Variants in ADGRB3 observed in about 807,000 individuals in gnomAD.
The protein encoded by ADGRB3 is adhesion G protein-coupled receptor B3.
Under a neutral mutation model 193.4 loss-of-function variants are expected in ADGRB3, and 37 were observed. The ratio of observed to expected loss-of-function variants is 0.19; its 90% CI spans 0.15 to 0.25. The LOEUF is 0.25. Among genes scored for constraint, ADGRB3 ranks in the 10% least tolerant of loss-of-function variants. The probability of loss-of-function intolerance (pLI) is 1.00; values close to 1 mark genes in which losing one functional copy is unlikely to be tolerated. For missense variants in ADGRB3, 1,637 were observed against 1,852.9 expected (o/e 0.88, Z 2.14); for synonymous variants, 690 against 644.2 (o/e 1.07, Z -1.08).
intron 3 of ADGRB3, among the ~76,000 whole-genome samples, chr6:68,772,885 A>AAC (rs1766652429): frequency 2.3e-5 from 1 of 42,892 alleles, no homozygotes; most frequent in African/African-American, 1.1e-4. Context: ...AAACAAACAA[A>AAC]AAAAAAAAAA....
intron 17 of ADGRB3, among the ~76,000 whole-genome samples, chr6:69,151,722 A>G (rs1774684679): frequency 6.6e-6 from 1 of 152,104 alleles, no homozygotes; most frequent in Admixed American, 6.5e-5. Flanking sequence ...GATACCATAA[A>G]TGGTTTTGCT....
At chr6:68,783,456 C>A (rs1403759048) in intron 3 of ADGRB3, among the ~76,000 whole-genome samples, 2 of 151,464 alleles carry the variant, frequency 1.3e-5, no homozygotes, top group South Asian at 2.1e-4. Flanking sequence ...ATAGAAGAGA[C>A]AACACTACCC....
At chr6:68,784,103 A>G (rs1361924279) in intron 3 of ADGRB3, among the ~76,000 whole-genome samples, 1 of 152,146 alleles carries the variant, frequency 6.6e-6, no homozygotes, top group Admixed American at 6.6e-5. Flanking sequence ...CTATAATTAT[A>G]TACTTTATTA....
At chr6:68,658,812 G>A (rs899240976) in intron 3 of ADGRB3, among the ~76,000 whole-genome samples, 17 of 150,946 alleles carry the variant, frequency 1.1e-4, no homozygotes, top group East Asian at 1.9e-4. Flanking sequence ...TTAACACAAC[G>A]AGCTGCTTAA....
intron 3 of ADGRB3, among the ~76,000 whole-genome samples, chr6:68,774,541 T>C (rs1471421593): frequency 6.6e-6 from 1 of 152,068 alleles, no homozygotes; most frequent in South Asian, 2.1e-4. Context: ...ATTACACATA[T>C]TTTCAGGTAC....
chr6:69,322,136 G>A (rs774112193), intron 20 of ADGRB3, among the ~76,000 whole-genome samples: 3 of 151,912 alleles, frequency 2.0e-5, no homozygotes, highest in Non-Finnish European at 2.9e-5. Context: ...AGTTTGCTAA[G>A]AATAATGGCC....
intron 3 of ADGRB3, among the ~76,000 whole-genome samples, chr6:68,834,016 T>C (rs559335510): frequency 1.5e-5 from 2 of 132,376 alleles, no homozygotes; most frequent in South Asian, 5.0e-4. Flanking sequence ...TGCTTACATA[T>C]GTGAGTAATT....
At chr6:68,815,966 C>A (rs955764459) in intron 3 of ADGRB3, among the ~76,000 whole-genome samples, 30 of 151,978 alleles carry the variant, frequency 2.0e-4, no homozygotes, top group African/African-American at 7.0e-4. Context: ...TTACAACATA[C>A]TTTCTTCTGT....
intron 17 of ADGRB3, among the ~76,000 whole-genome samples, chr6:69,229,794 A>T (rs1423466526): frequency 1.3e-5 from 2 of 152,350 alleles, no homozygotes; most frequent in Admixed American, 6.5e-5. Flanking sequence ...AAACTTCATG[A>T]AACCAAAAAC....
At chr6:69,152,150 G>A (rs796755164) in intron 17 of ADGRB3, among the ~76,000 whole-genome samples, 9 of 152,226 alleles carry the variant, frequency 5.9e-5, no homozygotes, top group African/African-American at 2.2e-4. Context: ...TAATATACAA[G>A]TACATTTTAT....
chr6:69,255,193 C>T (rs901465893), intron 20 of ADGRB3, among the ~76,000 whole-genome samples: 9 of 152,102 alleles, frequency 5.9e-5, no homozygotes, highest in African/African-American at 1.9e-4. Context: ...TTTATAGCAG[C>T]ATGAGTTAGA....
intron 3 of ADGRB3, among the ~76,000 whole-genome samples, chr6:68,783,548 T>C (rs1766902103): frequency 6.6e-6 from 1 of 151,542 alleles, no homozygotes; most frequent in Non-Finnish European, 1.5e-5. Context: ...GTATCAACAC[T>C]GTATGTTATT....
intron 15 of ADGRB3, among the ~76,000 whole-genome samples, chr6:69,057,797 A>G (rs1771589018): frequency 6.6e-6 from 1 of 151,998 alleles, no homozygotes; most frequent in Non-Finnish European, 1.5e-5. Context: ...TGGTCATGAT[A>G]TATAAACTTT....
intron 3 of ADGRB3, among the ~76,000 whole-genome samples, chr6:68,847,160 G>A (rs1768295627): frequency 6.6e-6 from 1 of 152,106 alleles, no homozygotes; most frequent in Non-Finnish European, 1.5e-5. Context: ...TGGAATGGCT[G>A]TATTTACCCA....
intron 17 of ADGRB3, among the ~76,000 whole-genome samples, chr6:69,114,242 T>G (rs957259512): frequency 1.3e-5 from 2 of 152,204 alleles, no homozygotes; most frequent in South Asian, 4.1e-4. Flanking sequence ...AGTGATAGGA[T>G]GGTGCAAGAC....
At chr6:69,100,844 G>GGAAGGGAAGGAAGAAAGGAA (rs1773015810) in intron 17 of ADGRB3, among the ~76,000 whole-genome samples, 1 of 16,852 alleles carries the variant, frequency 5.9e-5, no homozygotes, top group Non-Finnish European at 1.4e-4. Flanking sequence ...GAAGGAAGGA[G>GGAAGGGAAGGAAGAAAGGAA]GGAGGGAGGG....
intron 17 of ADGRB3, among the ~76,000 whole-genome samples, chr6:69,094,817 G>A (rs984931964): frequency 6.6e-6 from 1 of 152,082 alleles, no homozygotes; most frequent in Admixed American, 6.5e-5. Context: ...TACTACCAAT[G>A]TAGTATCTTT....
At chr6:68,734,585 C>T (rs1333214563) in intron 3 of ADGRB3, among the ~76,000 whole-genome samples, 1 of 151,898 alleles carries the variant, frequency 6.6e-6, no homozygotes, top group Non-Finnish European at 1.5e-5. Flanking sequence ...AGAAGAAAAA[C>T]ATATTGTGTA....
intron 23 of ADGRB3, among the ~76,000 whole-genome samples, chr6:69,330,774 T>C (rs1385148936): frequency 6.6e-6 from 1 of 152,186 alleles, no homozygotes. Context: ...TGAAGAATAT[T>C]AAACTGGGAG....
Sources: allele counts gnomAD v4.1 joint callset (sites outside exome capture counted in the v4.1 genomes callset), GRCh38; gene constraint gnomAD v4.1.1; transcripts MANE v1.5; gene names NCBI Gene and HGNC (gene_info 2026-07-23, HGNC 2026-07-21).